Variants in PRLR observed in about 807,000 individuals in gnomAD.
PRLR encodes the protein prolactin receptor.
PRLR carries 13 observed loss-of-function variants against 40.2 expected under a neutral mutation model. The ratio of observed to expected loss-of-function variants is 0.32; its 90% CI spans 0.21 to 0.51. The LOEUF (loss-of-function observed/expected upper bound fraction) is 0.51, where lower values mean the gene tolerates loss of function less well. Ranked by LOEUF, PRLR falls within the 20% of genes least tolerant of loss-of-function variation. The pLI, the probability that PRLR is intolerant of heterozygous loss-of-function variation, is 0.97. For missense variants in PRLR, 656 were observed against 747.3 expected (o/e 0.88, Z 1.42); for synonymous variants, 269 against 278.7 (o/e 0.97, Z 0.35).
intron 2 of PRLR, among the ~76,000 whole-genome samples, chr5:35,099,852 A>G (rs1193554096): frequency 6.6e-6 from 1 of 152,194 alleles, no homozygotes; most frequent in Non-Finnish European, 1.5e-5. Context: ...CAGCTGAACA[A>G]TGTGTTTGTG....
At chr5:35,219,094 G>C (rs1036223459) in intron 1 of PRLR, among the ~76,000 whole-genome samples, 3 of 152,184 alleles carry the variant, frequency 2.0e-5, no homozygotes, top group African/African-American at 4.8e-5. Flanking sequence ...CCTTCCTGGA[G>C]GGGGGTTGGA....
intron 5 of PRLR, among the ~76,000 whole-genome samples, chr5:35,083,537 T>G (rs575843942): frequency 3.7e-4 from 56 of 150,996 alleles, no homozygotes; most frequent in Middle Eastern, 3.4e-3. Context: ...TTTTTTTTTT[T>G]GATGTGGAGT....
intron 1 of PRLR, among the ~76,000 whole-genome samples, chr5:35,217,960 A>T (rs1776326893): frequency 6.6e-6 from 1 of 152,196 alleles, no homozygotes; most frequent in African/African-American, 2.4e-5. Context: ...ATTCACCCTT[A>T]CTTTCTGCTA....
intron 1 of PRLR, among the ~76,000 whole-genome samples, chr5:35,214,920 A>G (rs1776249925): frequency 6.6e-6 from 1 of 152,230 alleles, no homozygotes; most frequent in African/African-American, 2.4e-5. Flanking sequence ...AATCTGGAAA[A>G]TAGTTGACCA....
At chr5:35,217,095 T>C (rs1776303563) in intron 1 of PRLR, among the ~76,000 whole-genome samples, 1 of 152,240 alleles carries the variant, frequency 6.6e-6, no homozygotes, top group Admixed American at 6.5e-5. Flanking sequence ...CCACGTATCC[T>C]TCTGGACATC....
intron 6 of PRLR, 133 bp downstream of exon 6, chr5:35,072,442 C>T: frequency 2.0e-6 from 2 of 996,884 alleles, no homozygotes; most frequent in Non-Finnish European, 3.0e-6. Flanking sequence ...CTTTTCACAT[C>T]TGGGTGGGTC....
At chr5:35,068,389 C>T (rs749495823) in intron 8 of PRLR, 104 bp from the exon 9 acceptor site, 18 of 972,294 alleles carry the variant, frequency 1.9e-5, no homozygotes, top group Non-Finnish European at 2.9e-5. Context: ...AGAGATAGGA[C>T]TTGGTTTGGC....
At chr5:35,079,313 C>T (rs1403420741) in intron 5 of PRLR, among the ~76,000 whole-genome samples, 3 of 152,298 alleles carry the variant, frequency 2.0e-5, no homozygotes, top group African/African-American at 7.2e-5. Context: ...AAAACCCCAT[C>T]ATCTCAGCCC....
At chr5:35,222,100 C>A (rs942648425) in intron 1 of PRLR, among the ~76,000 whole-genome samples, 1 of 152,104 alleles carries the variant, frequency 6.6e-6, no homozygotes, top group Admixed American at 6.5e-5. Context: ...GTCAAGAGAT[C>A]GAGACCATCC....
chr5:35,174,449 G>C (rs1275755358), intron 1 of PRLR, among the ~76,000 whole-genome samples: 1 of 152,136 alleles, frequency 6.6e-6, no homozygotes, highest in Admixed American at 6.5e-5. Flanking sequence ...TCCTCTGCTG[G>C]AAATCTCACT....
chr5:35,074,504 C>CATATATATATATATATATATATATATCT (rs3034214), intron 5 of PRLR, among the ~76,000 whole-genome samples: 1 of 132,624 alleles, frequency 7.5e-6, no homozygotes, highest in African/African-American at 3.3e-5. Flanking sequence ...TTTATGATTC[C>CATATATATATATATATATATATATATCT]ATATATATAT....
intron 3 of PRLR, among the ~76,000 whole-genome samples, chr5:35,089,065 C>G (rs1450363307): frequency 6.6e-6 from 1 of 152,240 alleles, no homozygotes; most frequent in Admixed American, 6.5e-5. Flanking sequence ...GACTTCATTT[C>G]TCCTGTTAGC....
chr5:35,211,644 ACTTG>A (rs1422926341), intron 1 of PRLR, among the ~76,000 whole-genome samples: 1 of 152,220 alleles, frequency 6.6e-6, no homozygotes, highest in African/African-American at 2.4e-5. Context: ...AACTTAAGAT[ACTTG>A]CTTATTGATG....
chr5:35,118,720 G>C (rs1255893721), intron 1 of PRLR, among the ~76,000 whole-genome samples: 3 of 151,712 alleles, frequency 2.0e-5, no homozygotes, highest in African/African-American at 7.3e-5. Flanking sequence ...TTTTGTATAA[G>C]AACTTTCAGA....
rs756419949 is a variant in PRLR, at chr5:35,084,473, T to G, written c.370A>C (p.Ile124Leu). ...SDELYVDVTY[I>L]VQPDPPLELA... ...CACCCACTTTCCTTCCCCTTACCTA[T>G]GTAAGTCACGTCCACATAAAGTTCA... is the stretch of plus-strand genomic sequence containing the variant. The change falls in exon 5 of 10, where the codon ATA becomes CTA. Residue 124 changes from isoleucine to leucine, a missense_variant. This residue lies in a region of PRLR where 180 missense variants were observed against 236.8 expected (regional missense o/e 0.76). Transcript: ENST00000618457. 1.3e-6 allele frequency: 2 copies of G among 1,565,770 alleles called. No individual in the cohort carries two copies. The highest frequency in any genetic ancestry group is 1.4e-5 in the African/African-American group (1 of 71,792).
chr5:35,194,319 G>A (rs1057007716), intron 1 of PRLR, among the ~76,000 whole-genome samples: 2 of 152,170 alleles, frequency 1.3e-5, no homozygotes, highest in Non-Finnish European at 2.9e-5. Flanking sequence ...GGAAAGGCCT[G>A]GTGCAGGTCA....
At chr5:35,163,615 A>C (rs904903334) in intron 1 of PRLR, among the ~76,000 whole-genome samples, 2 of 152,240 alleles carry the variant, frequency 1.3e-5, no homozygotes, top group Admixed American at 6.5e-5. Flanking sequence ...AAAGGGTCAG[A>C]GACATGGTAA....
chr5:35,122,663 A>T (rs76458247), intron 1 of PRLR, among the ~76,000 whole-genome samples: 4,239 of 152,312 alleles, frequency 0.028, 101 homozygotes, highest in Middle Eastern at 0.1. Flanking sequence ...AATCTGCAAG[A>T]TTTCTGGCAA....
rs1360035341 is a variant in PRLR at position 35,080,574 on chromosome 5, A to T, written c.373+3896T>A. On this transcript the variant is annotated intron_variant, in intron 5 of 9. Transcript: ENST00000618457. ...CCGGAGAGGATGTGGAGAAATAGGA[A>T]CACTTTTACACTGTTGGTGGGACTG... 5.9e-5 allele frequency among the ~76,000 whole-genome samples: 9 copies of T among 152,180 alleles called. No individual in the cohort carries two copies. The East Asian group carries it at 1.7e-3, about 29-fold the overall frequency.
Sources: allele counts gnomAD v4.1 joint callset (sites outside exome capture counted in the v4.1 genomes callset), GRCh38; gene constraint gnomAD v4.1.1; regional missense constraint gnomAD v4.1.1; transcripts MANE v1.5; gene names NCBI Gene and HGNC (gene_info 2026-07-23, HGNC 2026-07-21).